The following BMP2K variants were observed in gnomAD, a reference collection of about 807,000 sequenced individuals.
BMP2K encodes the protein BMP2 inducible kinase, also known as BMP-2-inducible protein kinase.
Under a neutral mutation model 116.0 loss-of-function variants are expected in BMP2K, and 74 were observed. The ratio of observed to expected loss-of-function variants is 0.64; its 90% CI spans 0.53 to 0.77. The LOEUF (loss-of-function observed/expected upper bound fraction) is 0.77. BMP2K is among the 30% of genes least tolerant of loss of function. The pLI is 0.00. For missense variants in BMP2K, 1,365 were observed against 1,403.6 expected (o/e 0.97, Z 0.44); for synonymous variants, 486 against 502.5 (o/e 0.97, Z 0.44).
intron 15 of BMP2K, among the ~76,000 whole-genome samples, chr4:78,902,566 A>G (rs546793672): frequency 6.6e-6 from 1 of 152,258 alleles, no homozygotes; most frequent in South Asian, 2.1e-4. Flanking sequence ...CCCCTCCCGT[A>G]CACCCTCAAT....
At chr4:78,840,848 G>C (rs1730724864) in intron 3 of BMP2K, among the ~76,000 whole-genome samples, 1 of 152,176 alleles carries the variant, frequency 6.6e-6, no homozygotes, top group African/African-American at 2.4e-5. Flanking sequence ...AACATTAAAA[G>C]TTTGGAAGAG....
chr4:78,903,714 G>A (rs1376052549), intron 15 of BMP2K, among the ~76,000 whole-genome samples: 1 of 151,728 alleles, frequency 6.6e-6, no homozygotes, highest in African/African-American at 2.4e-5. Context: ...TTTAATACAG[G>A]GTACTCATCA....
In BMP2K at chr4:78,910,182, CATGCTTG is replaced by C. The variant is rs533182174; in HGVS notation, c.2063-427_2063-421del. Reference sequence around the variant, plus strand: ...TACGTAACTGAGCAGGCAGGCTGTTCATGCTTGTTGATCTCTATGGGAAAACTTTACA... The same window carrying C: ...TACGTAACTGAGCAGGCAGGCTGTTCTTGATCTCTATGGGAAAACTTTACA... On this transcript the variant is annotated intron_variant, in intron 15 of 15. Coordinates refer to ENST00000502613, the MANE Select transcript of BMP2K (RefSeq NM_198892.2). 2.9e-3 allele frequency among the ~76,000 whole-genome samples: 449 copies of C among 152,258 alleles called. 4 individuals carry two copies. Among genetic ancestry groups the C allele is most frequent in the South Asian group, 0.011 (54 of 4,824 alleles).
chr4:78,868,021 C>T (rs903949269), intron 10 of BMP2K, among the ~76,000 whole-genome samples: 3 of 152,208 alleles, frequency 2.0e-5, no homozygotes, highest in Non-Finnish European at 2.9e-5. Context: ...GATCATGCCA[C>T]TGCACTCCAG....
chr4:78,873,908 G>A (rs564387469), intron 13 of BMP2K, among the ~76,000 whole-genome samples: 6 of 152,180 alleles, frequency 3.9e-5, no homozygotes, highest in Non-Finnish European at 5.9e-5. Context: ...GGCAGGGTGC[G>A]GTGGCTCATG....
intron 1 of BMP2K, among the ~76,000 whole-genome samples, chr4:78,805,227 A>C (rs1230555384): frequency 6.6e-6 from 1 of 152,198 alleles, no homozygotes; most frequent in Non-Finnish European, 1.5e-5. Flanking sequence ...TCATAAAAGT[A>C]TGGGTGAATT....
chr4:78,885,776 G>T (rs879657592), intron 14 of BMP2K, among the ~76,000 whole-genome samples: 1 of 152,166 alleles, frequency 6.6e-6, no homozygotes, highest in Admixed American at 6.5e-5. Context: ...ATAGAATTTT[G>T]ATTGCCAAGA....
At chr4:78,831,155 T>C (rs1472519609) in intron 2 of BMP2K, among the ~76,000 whole-genome samples, 2 of 152,260 alleles carry the variant, frequency 1.3e-5, no homozygotes, top group Non-Finnish European at 1.5e-5. Flanking sequence ...GAGGAACGGC[T>C]AGCCGGTGGA....
intron 1 of BMP2K, 138 bp downstream of exon 1, chr4:78,776,859 A>C: frequency 1.2e-6 from 1 of 865,102 alleles, no homozygotes; most frequent in Non-Finnish European, 1.5e-6. Context: ...GGGGCTCCTA[A>C]AGAGTGGCTC....
chr4:78,909,668 A>G (rs937868281), intron 15 of BMP2K, among the ~76,000 whole-genome samples: 3 of 152,088 alleles, frequency 2.0e-5, no homozygotes, highest in East Asian at 1.9e-4. Flanking sequence ...TCATTGTTCA[A>G]TCCTAACTGT....
intron 7 of BMP2K, among the ~76,000 whole-genome samples, chr4:78,854,463 G>A (rs1010723280): frequency 1.3e-4 from 19 of 151,846 alleles, no homozygotes; most frequent in African/African-American, 4.6e-4. Flanking sequence ...TAGTAGAGAT[G>A]GGGTTTCACC....
At chr4:78,833,260 AAAC>A (rs1202864380) in intron 2 of BMP2K, among the ~76,000 whole-genome samples, 26 of 152,116 alleles carry the variant, frequency 1.7e-4, no homozygotes, top group Admixed American at 1.7e-3. Context: ...TTTTAGATAA[AAAC>A]AAATGTAATA....
chr4:78,836,899 T>G (rs934903769), intron 3 of BMP2K, among the ~76,000 whole-genome samples: 7 of 152,212 alleles, frequency 4.6e-5, no homozygotes, highest in African/African-American at 1.7e-4. Flanking sequence ...TGGACACTTT[T>G]AGTTTGAATC....
At position 78,873,658 on chromosome 4, in the gene BMP2K, CTGTGTGTGTGTGTGTG is replaced by C. The variant is rs377226626; in HGVS notation, c.1793+892_1793+907del. On this transcript the variant is annotated intron_variant, in intron 13 of 15. Transcript: ENST00000502613. ...TTTGCTATAGAATGCCTCCCAACCT[CTGTGTGTGTGTGTGTG>C]TGTGTGTGTGTGTGTGTGTGTGTGT... 5.6e-3 allele frequency among the ~76,000 whole-genome samples: 775 copies of C among 139,528 alleles called. 17 individuals are homozygous for C. Among genetic ancestry groups the C allele is most frequent in the Admixed American group, 0.034 (476 of 13,988 alleles). 91.5% of individuals were successfully genotyped at this position (139,528 alleles called of 152,430 possible).
At chr4:78,874,048 C>G (rs534588834) in intron 13 of BMP2K, among the ~76,000 whole-genome samples, 1 of 151,848 alleles carries the variant, frequency 6.6e-6, no homozygotes, top group Admixed American at 6.6e-5. Flanking sequence ...TGTGGTGGTG[C>G]GCGCCTGTAA....
intron 1 of BMP2K, among the ~76,000 whole-genome samples, chr4:78,778,259 A>G (rs1235617139): frequency 6.6e-6 from 1 of 152,242 alleles, no homozygotes; most frequent in Non-Finnish European, 1.5e-5. Context: ...TGAATTTGTA[A>G]CTTGTATTAC....
chr4:78,839,013 G>A (rs1395514075), intron 3 of BMP2K, among the ~76,000 whole-genome samples: 1 of 152,084 alleles, frequency 6.6e-6, no homozygotes, highest in Non-Finnish European at 1.5e-5. Context: ...TTTAATGTAT[G>A]TTTTTAGGAA....
Position 78,911,714 on chromosome 4 carries a change from G to C in BMP2K, c.3167G>C (p.Gly1056Ala). The change falls in exon 16 of 16, where the codon GGG becomes GCG. Residue 1056 changes from glycine (G) to alanine (A), a missense_variant. By Grantham distance (60) the Gly-to-Ala change is moderately conservative (BLOSUM62 0). Around this residue, in one of 3 missense-constraint regions of BMP2K, gnomAD observed 596 missense variants for 623.2 expected, o/e 0.96. Transcript: ENST00000502613. ...SVALTDGKDR[G>A]NVLQPEESLL... ...GCACTGACTGATGGGAAAGATAGGG[G>C]GAATGTCTTACAACCTGAGGAGAGC... is the stretch of plus-strand genomic sequence containing the variant. 6.2e-7 allele frequency: 1 copy of C among 1,613,914 alleles called. No homozygotes were observed. The highest frequency in any genetic ancestry group is 8.5e-7 in the Non-Finnish European group (1 of 1,179,856).
intron 7 of BMP2K, among the ~76,000 whole-genome samples, chr4:78,853,484 A>G (rs1731354699): frequency 6.6e-6 from 1 of 152,218 alleles, no homozygotes; most frequent in Non-Finnish European, 1.5e-5. Flanking sequence ...TTCCAGATCC[A>G]GGAGTTGAAA....
Sources: allele counts gnomAD v4.1 joint callset (sites outside exome capture counted in the v4.1 genomes callset), GRCh38; gene constraint gnomAD v4.1.1; regional missense constraint gnomAD v4.1.1; transcripts MANE v1.5; gene names NCBI Gene and HGNC (gene_info 2026-07-23, HGNC 2026-07-21).